IFT80: variants seen among roughly 807,000 people sequenced by gnomAD.
IFT80 encodes the protein intraflagellar transport protein 80 homolog.
Under a neutral mutation model 107.9 loss-of-function variants are expected in IFT80, and 79 were observed. The ratio of observed to expected loss-of-function variants is 0.73; its 90% CI spans 0.61 to 0.88. The LOEUF is 0.88. IFT80 is among the 40% of genes least tolerant of loss of function. IFT80 has a pLI of 0.00. For missense variants in IFT80, 797 were observed against 914.2 expected (o/e 0.87, Z 1.65); for synonymous variants, 299 against 300.9 (o/e 0.99, Z 0.07).
intron 19 of IFT80, among the ~76,000 whole-genome samples, chr3:160,265,204 C>T (rs912700394): frequency 6.6e-6 from 1 of 152,146 alleles, no homozygotes; most frequent in African/African-American, 2.4e-5. Flanking sequence ...AGGAGGCACT[C>T]AATAAATACT....
At chr3:160,296,649 T>G (rs76219686) in intron 12 of IFT80, among the ~76,000 whole-genome samples, 5,363 of 152,192 alleles carry the variant, frequency 0.035, 333 homozygotes, top group African/African-American at 0.12. Context: ...TTATTCCAGT[T>G]TTTACAACTC....
chr3:160,335,866 AT>A (rs1400887048), intron 8 of IFT80, among the ~76,000 whole-genome samples: 1 of 151,884 alleles, frequency 6.6e-6, no homozygotes, highest in East Asian at 1.9e-4. Flanking sequence ...ATCTACCTTT[AT>A]TTTCTATTTT....
In IFT80 at chr3:160,279,293, G is replaced by C. The variant is rs1360114227; in HGVS notation, c.1736C>G (p.Ser579Cys). 1 of 1,611,366 alleles carries C rather than the reference G, an allele frequency of 6.2e-7. No individual in the cohort carries two copies. ...TGGTGTTATGCTGATGTGAACCAGG[G>C]AGCCATCAGCTCTTCTAATAGTTAC... ...NQVTIRRADG[S>C]LVHISITPYP... The change falls in exon 16 of 20, where the codon TCC becomes TGC. Residue 579 changes from serine to cysteine, a missense_variant. By Grantham distance (112) the Ser-to-Cys change is moderately radical. Transcript: ENST00000326448.
intron 8 of IFT80, among the ~76,000 whole-genome samples, chr3:160,340,692 TA>T (rs1275251193): frequency 3.9e-5 from 6 of 152,206 alleles, no homozygotes; most frequent in African/African-American, 1.4e-4. Flanking sequence ...CTTCATCCAC[TA>T]ACCCCCAGCT....
chr3:160,371,350 C>T (rs984397685), intron 5 of IFT80, among the ~76,000 whole-genome samples: 2 of 152,208 alleles, frequency 1.3e-5, no homozygotes, highest in African/African-American at 2.4e-5. Flanking sequence ...CTCCCCAGAA[C>T]ATTAATCTCC....
chr3:160,328,913 C>T (rs760292759), intron 8 of IFT80, among the ~76,000 whole-genome samples: 1 of 151,988 alleles, frequency 6.6e-6, no homozygotes, highest in Non-Finnish European at 1.5e-5. Context: ...CCAAATACCA[C>T]ATGCTCTCAT....
chr3:160,304,370 G>A (rs1396097803), intron 10 of IFT80, among the ~76,000 whole-genome samples: 1 of 151,754 alleles, frequency 6.6e-6, no homozygotes, highest in Non-Finnish European at 1.5e-5. Context: ...AGAGATGATA[G>A]CTTTTTGTTA....
At chr3:160,381,200 G>C (rs1415276877) in intron 3 of IFT80, among the ~76,000 whole-genome samples, 3 of 143,100 alleles carry the variant, frequency 2.1e-5, no homozygotes, top group Non-Finnish European at 3.1e-5. Flanking sequence ...TCACACCACT[G>C]CACTCTGGCC....
chr3:160,353,488 T>C (rs1375448271), intron 8 of IFT80, among the ~76,000 whole-genome samples: 1 of 152,232 alleles, frequency 6.6e-6, no homozygotes. Context: ...ATCTTTTCTG[T>C]ATTATCTCCT....
At position 160,357,546 on chromosome 3, in the gene IFT80, T is replaced by C. The variant is rs1409056813; in HGVS notation, c.582A>G (p.Val194=). ...TAAGATCATTGACCGAGTTCCAATC[T>C]ACTTTTAAAATAATGCCATCATGAG... The part of the protein sequence containing the change: ...WKAHDGIILK[V]DWNSVNDLIL... Residue 194 remains valine, a synonymous_variant, in exon 7 of 20, where the codon GTA becomes GTG. Coordinates refer to ENST00000326448, the MANE Select transcript of IFT80 (RefSeq NM_020800.3). 1.3e-6 allele frequency: 2 copies of C among 1,599,382 alleles called. No individual in the cohort carries two copies. Among genetic ancestry groups the C allele is most frequent in the Non-Finnish European group, 1.7e-6 (2 of 1,166,946 alleles).
At chr3:160,354,324 G>A (rs1314715821) in intron 8 of IFT80, among the ~76,000 whole-genome samples, 1 of 152,112 alleles carries the variant, frequency 6.6e-6, no homozygotes, top group African/African-American at 2.4e-5. Context: ...CATGATCAAA[G>A]GAAGTCAAAC....
At chr3:160,306,607 A>G (rs1414307097) in intron 10 of IFT80, among the ~76,000 whole-genome samples, 1 of 152,108 alleles carries the variant, frequency 6.6e-6, no homozygotes, top group Non-Finnish European at 1.5e-5. Flanking sequence ...CTCACATAAA[A>G]TTAAATTGCC....
rs760279545 is a variant in IFT80, at chr3:160,377,408, G to A, written c.370+22C>T. 27 of 1,340,876 alleles carry A rather than the reference G, an allele frequency of 2.0e-5. No individual in the cohort carries two copies. The South Asian group carries it at 2.9e-4, about 15-fold the overall frequency. The allele number at this position is 1,340,876 out of a possible 1,614,324, so 83.1% of individuals were successfully genotyped here. On this transcript the variant is annotated intron_variant, in intron 4 of 19. Coordinates refer to ENST00000326448, the MANE Select transcript of IFT80 (RefSeq NM_020800.3). ...TTTCTTTAAAATATTCATTTCAAAT[G>A]TCATTTTTACAGACAACTTACCTGT...
At position 160,319,787 on chromosome 3, in the gene IFT80, T is replaced by G. The variant is rs1388819977; in HGVS notation, c.930A>C (p.Val310=). 6.2e-7 allele frequency: 1 copy of G among 1,613,026 alleles called. No individual in the cohort carries two copies. Among genetic ancestry groups the G allele is most frequent in the East Asian group, 2.2e-5 (1 of 44,862 alleles). Residue 310 remains valine, a synonymous_variant, in exon 9 of 20, where the codon GTA becomes GTC. Coordinates refer to ENST00000326448, the MANE Select transcript of IFT80 (RefSeq NM_020800.3). The part of the protein sequence containing the change: ...EQHWEWKNFQ[V]TLTKRRAMQV... ...GCATGGCTCTTCTTTTCGTTAATGT[T>G]ACTTGAAAATTTTTCCACTCCCAAT... is the stretch of plus-strand genomic sequence containing the variant.
In IFT80 at chr3:160,282,529, A is replaced by T; in HGVS notation, c.1465T>A (p.Cys489Ser). 1 of 1,596,036 alleles carries T rather than the reference A, an allele frequency of 6.3e-7. No individual in the cohort carries two copies. Among genetic ancestry groups the T allele is most frequent in the Non-Finnish European group, 8.6e-7 (1 of 1,166,970 alleles). Residue 489 changes from cysteine to serine, a missense_variant, in exon 14 of 20, where the codon TGT (cysteine) becomes AGT (serine). Transcript: ENST00000326448. ...IAFIDKNRDL[C>S]ITSVKRFGKE... ...CCAAATCGTTTCACAGAAGTGATAC[A>T]GAGATCTCTATTTTTATCAATGAAA...
chr3:160,397,716 CTTTTTTTT>C (rs545413654), intron 1 of IFT80, among the ~76,000 whole-genome samples: 15 of 96,598 alleles, frequency 1.6e-4, no homozygotes, highest in Non-Finnish European at 1.8e-4. Context: ...TTGGTCTATA[CTTTTTTTT>C]TTTTTTTTTT....
intron 19 of IFT80, among the ~76,000 whole-genome samples, chr3:160,265,870 C>A (rs1283067201): frequency 6.6e-6 from 1 of 152,014 alleles, no homozygotes; most frequent in African/African-American, 2.4e-5. Context: ...TGAAATAAAG[C>A]ATTTATATAA....
At chr3:160,313,102 T>TA (rs1468934372) in intron 9 of IFT80, among the ~76,000 whole-genome samples, 1 of 115,998 alleles carries the variant, frequency 8.6e-6, no homozygotes, top group Non-Finnish European at 1.7e-5. Context: ...TTTATATATA[T>TA]TTTTTATATA....
chr3:160,370,757 T>C (rs1160678896), intron 5 of IFT80, among the ~76,000 whole-genome samples: 1 of 152,150 alleles, frequency 6.6e-6, no homozygotes, highest in Non-Finnish European at 1.5e-5. Flanking sequence ...AAAACCATCA[T>C]CCCTCCACAT....
Sources: allele counts gnomAD v4.1 joint callset (sites outside exome capture counted in the v4.1 genomes callset), GRCh38; gene constraint gnomAD v4.1.1; transcripts MANE v1.5; gene names NCBI Gene and HGNC (gene_info 2026-07-23, HGNC 2026-07-21).